The following USP14 variants were observed in gnomAD, a reference collection of about 807,000 sequenced individuals.
USP14 encodes the protein ubiquitin carboxyl-terminal hydrolase 14.
In USP14, 38 loss-of-function variants were observed where a neutral mutation model predicts 76.5. The observed-to-expected ratio is 0.50, with a 90% CI of 0.38 to 0.65. The LOEUF (loss-of-function observed/expected upper bound fraction) is 0.65, where lower values mean the gene tolerates loss of function less well. Among genes scored for constraint, USP14 ranks in the 30% least tolerant of loss-of-function variants. The probability of loss-of-function intolerance (pLI) is 0.00; values close to 1 mark genes in which losing one functional copy is unlikely to be tolerated. For missense variants in USP14, 467 were observed against 586.5 expected, an observed-to-expected ratio of 0.80 and a Z score of 2.10; for synonymous variants, 192 against 191.7, an observed-to-expected ratio of 1.00 and a Z score of -0.01.
At chr18:194,031 G>A (rs960606176) in intron 6 of USP14, among the ~76,000 whole-genome samples, 1 of 152,106 alleles carries the variant, frequency 6.6e-6, no homozygotes, top group African/African-American at 2.4e-5. Flanking sequence ...GAGTCCCACC[G>A]TTTTACATTT....
At chr18:189,483 TTTTC>T (rs1910026712) in intron 5 of USP14, among the ~76,000 whole-genome samples, 1 of 151,908 alleles carries the variant, frequency 6.6e-6, no homozygotes, top group Non-Finnish European at 1.5e-5. Context: ...TTTGTTTGTT[TTTTC>T]TTTGTTTTTT....
intron 1 of USP14, among the ~76,000 whole-genome samples, chr18:160,740 C>T (rs1490433632): frequency 6.6e-6 from 1 of 152,142 alleles, no homozygotes; most frequent in East Asian, 1.9e-4. Flanking sequence ...CCTGTAGCAT[C>T]TTTAGCTTGT....
At chr18:165,355 C>G (rs562397123) in intron 2 of USP14, among the ~76,000 whole-genome samples, 10 of 152,302 alleles carry the variant, frequency 6.6e-5, no homozygotes, top group Non-Finnish European at 1.3e-4. Flanking sequence ...CAGGCTACCC[C>G]CACTGGGCAG....
intron 5 of USP14, among the ~76,000 whole-genome samples, chr18:184,003 C>A (rs1286944830): frequency 2.0e-5 from 3 of 152,046 alleles, no homozygotes; most frequent in African/African-American, 7.2e-5. Context: ...TTCTTGGATG[C>A]CTTTTAGCCT....
intron 9 of USP14, 124 bp from the exon 10 acceptor site, chr18:199,078 A>G: frequency 4.9e-6 from 3 of 615,940 alleles, no homozygotes; most frequent in Non-Finnish European, 8.5e-6. Context: ...TTGGGAGACT[A>G]AAAGGTTTTA....
At chr18:201,430 G>A (rs775591277) in intron 10 of USP14, among the ~76,000 whole-genome samples, 23 of 152,194 alleles carry the variant, frequency 1.5e-4, no homozygotes, top group Non-Finnish European at 2.9e-4. Flanking sequence ...TGTTATCTGG[G>A]GGCTCTCATC....
intron 2 of USP14, among the ~76,000 whole-genome samples, chr18:165,967 G>C (rs1909258954): frequency 6.6e-6 from 1 of 151,750 alleles, no homozygotes; most frequent in African/African-American, 2.4e-5. Context: ...CCTAGCTGTA[G>C]TTAGTAAAAA....
chr18:194,681 A>T (rs1910182441), intron 6 of USP14, among the ~76,000 whole-genome samples: 1 of 152,202 alleles, frequency 6.6e-6, no homozygotes. Flanking sequence ...TTGTAATCCC[A>T]GCATTTTGGG....
In USP14 at chr18:210,600, C is replaced by T. The variant is rs1279164225; in HGVS notation, c.1333+107C>T. 1.2e-5 allele frequency: 8 copies of T among 671,728 alleles called. No individual in the cohort carries two copies. The East Asian group carries it at 1.2e-4, about 10-fold the overall frequency. 41.6% of individuals were successfully genotyped at this position (671,728 alleles called of 1,614,324 possible). A position where few individuals can be genotyped will look rare whatever the true frequency, so the allele number is the denominator to read the frequency against. On this transcript the variant is annotated intron_variant, in intron 15 of 15. Coordinates refer to ENST00000261601, the MANE Select transcript of USP14 (RefSeq NM_005151.4). Reference sequence around the variant, plus strand: ...AACTTTGGGTCTCAGAACCACTTTACATTCTTGAAGCCCCAAAGAGCTTTG... The same window carrying T: ...AACTTTGGGTCTCAGAACCACTTTATATTCTTGAAGCCCCAAAGAGCTTTG...
chr18:192,715 A>G, intron 5 of USP14, 127 bp from the exon 6 acceptor site: 1 of 707,284 alleles, frequency 1.4e-6, no homozygotes, highest in South Asian at 2.3e-5. Context: ...AGAAAAGGAA[A>G]GGTGGGAACA....
At chr18:186,535 C>T (rs372491800) in intron 5 of USP14, among the ~76,000 whole-genome samples, 55 of 151,946 alleles carry the variant, frequency 3.6e-4, no homozygotes, top group African/African-American at 1.2e-3. Flanking sequence ...GGCAGATCAC[C>T]GAAGGTCAGG....
chr18:186,072 C>G (rs767895900), intron 5 of USP14, among the ~76,000 whole-genome samples: 2 of 152,080 alleles, frequency 1.3e-5, no homozygotes, highest in East Asian at 1.9e-4. Context: ...ACAGAAAAGT[C>G]TACATATTTG....
At chr18:202,779 T>G in intron 10 of USP14, 101 bp from the exon 11 acceptor site, 1 of 1,087,162 alleles carries the variant, frequency 9.2e-7, no homozygotes, top group Non-Finnish European at 1.4e-6. Flanking sequence ...TATTGCCTCT[T>G]AGGTAGTGCT....
chr18:179,110 G>T, intron 4 of USP14, 73 bp downstream of exon 4: 1 of 1,033,506 alleles, frequency 9.7e-7, no homozygotes, highest in Admixed American at 2.7e-5. Flanking sequence ...CTTTCAGAAA[G>T]TAGCATCTGA....
intron 6 of USP14, among the ~76,000 whole-genome samples, chr18:194,392 A>ATACT (rs1380457455): frequency 6.6e-6 from 1 of 152,208 alleles, no homozygotes; most frequent in Non-Finnish European, 1.5e-5. Context: ...GCGATGAAAA[A>ATACT]TACTGTTCTT....
At chr18:181,750 A>AT (rs1197193126) in intron 5 of USP14, among the ~76,000 whole-genome samples, 1 of 151,764 alleles carries the variant, frequency 6.6e-6, no homozygotes, top group African/African-American at 2.4e-5. Context: ...CTTAATTTTA[A>AT]TTTTTTCTTT....
intron 1 of USP14, among the ~76,000 whole-genome samples, chr18:159,898 C>T (rs1425814501): frequency 4.6e-5 from 7 of 152,112 alleles, no homozygotes; most frequent in Non-Finnish European, 1.0e-4. Context: ...TTCTAAGGTC[C>T]CTTCCTTTGA....
At chr18:180,210 C>CTT in intron 4 of USP14, 26 bp from the exon 5 acceptor site, 2 of 1,126,950 alleles carry the variant, frequency 1.8e-6, no homozygotes, top group African/African-American at 1.6e-5. Context: ...ATGATTTAAT[C>CTT]CTTTTTTTTT....
chr18:207,146 A>C (rs969789543), intron 13 of USP14, among the ~76,000 whole-genome samples: 1 of 133,380 alleles, frequency 7.5e-6, no homozygotes, highest in African/African-American at 2.6e-5. Flanking sequence ...GTGTATTTCT[A>C]GACTATTAAT....
Sources: allele counts gnomAD v4.1 joint callset (sites outside exome capture counted in the v4.1 genomes callset), GRCh38; gene constraint gnomAD v4.1.1; transcripts MANE v1.5; gene names NCBI Gene and HGNC (gene_info 2026-07-23, HGNC 2026-07-21).